The following KIRREL3 variants were observed in gnomAD, a reference collection of about 807,000 sequenced individuals.
KIRREL3 encodes the protein kirre like nephrin family adhesion molecule 3.
In KIRREL3, 36 loss-of-function variants were observed where a neutral mutation model predicts 89.7. The ratio of observed to expected loss-of-function variants is 0.40; its 90% CI spans 0.31 to 0.53. The LOEUF (loss-of-function observed/expected upper bound fraction) is 0.53, where lower values mean the gene tolerates loss of function less well. KIRREL3 is among the 20% of genes least tolerant of loss of function. The pLI is 0.49. For missense variants in KIRREL3, 864 were observed against 1,056.6 expected, an observed-to-expected ratio of 0.82 and a Z score of 2.53; for synonymous variants, 445 against 441.4, an observed-to-expected ratio of 1.01 and a Z score of -0.10.
At position 126,710,773 on chromosome 11, in the gene KIRREL3, C is replaced by A. The variant is rs1452320383; in HGVS notation, c.56-147861G>T. The stretch of plus-strand genomic sequence containing the variant: ...AAGTGATACCAAGTCAAACAGATCA[C>A]AACTGATTATTAAGAACAGATCTAC... On this transcript the variant is annotated intron_variant, in intron 1 of 16. Transcript: ENST00000525144. This position sits in a 1 kb window ranked among gnomAD's most constrained non-coding sequence, Gnocchi z 4.2. Among the ~76,000 whole-genome samples the A allele has an allele frequency of 1.3e-5, 2 of 152,172 alleles. No homozygotes were observed. The highest frequency in any genetic ancestry group is 4.8e-5 in the African/African-American group (2 of 41,434).
intron 1 of KIRREL3, among the ~76,000 whole-genome samples, chr11:126,598,118 G>A (rs985046259): frequency 6.6e-6 from 1 of 152,264 alleles, no homozygotes; most frequent in African/African-American, 2.4e-5. Context: ...TCACGCCAAT[G>A]TCTGAAGAGC....
chr11:126,965,228 G>T lies in KIRREL3; in HGVS notation c.55+35227C>A, dbSNP rs1949228903. On this transcript the variant is annotated intron_variant, in intron 1 of 16. Coordinates refer to ENST00000525144, the MANE Select transcript of KIRREL3 (RefSeq NM_032531.4). The surrounding 1 kb of genome is among the most constrained non-coding windows in gnomAD (Gnocchi z 4.4). The stretch of plus-strand genomic sequence containing the variant: ...CTGGTCAAATTAATAAGTCCACTTG[G>T]TTTGATTACTTTCATTTAGTTAATT... Among the ~76,000 whole-genome samples the T allele has an allele frequency of 6.6e-6, 1 of 152,152 alleles. No homozygotes were observed. The highest frequency in any genetic ancestry group is 2.1e-4 in the South Asian group (1 of 4,820).
rs1231542848 is a variant in KIRREL3, at chr11:126,486,793, T to C, written c.434-13327A>G. Among the ~76,000 whole-genome samples, 1 of 152,224 alleles carries C rather than the reference T, an allele frequency of 6.6e-6. No individual in the cohort carries two copies. The highest frequency in any genetic ancestry group is 1.5e-5 in the Non-Finnish European group (1 of 68,034). ...CAGTCCTAACTGCGGTACCATAGGC[T>C]GTGCTAGCAGGAGGATCTGCATTGG... On this transcript the variant is annotated intron_variant, in intron 4 of 16. Coordinates refer to ENST00000525144, the MANE Select transcript of KIRREL3 (RefSeq NM_032531.4). The surrounding 1 kb of genome is among the most constrained non-coding windows in gnomAD (Gnocchi z 6.2).
In KIRREL3 at chr11:126,795,595, G is replaced by A. The variant is rs1950782528; in HGVS notation, c.55+204860C>T. 6.6e-6 allele frequency among the ~76,000 whole-genome samples: 1 copy of A among 152,066 alleles called. No homozygotes were observed. Among genetic ancestry groups the A allele is most frequent in the Admixed American group, 6.5e-5 (1 of 15,276 alleles). On this transcript the variant is annotated intron_variant, in intron 1 of 16. Transcript: ENST00000525144. The surrounding 1 kb of genome is among the most constrained non-coding windows in gnomAD (Gnocchi z 4.1). ...TTTCTACTAAAACCCTGTTGGCCAG[G>A]CTGGTCTTGAACTCCTGACCTCAGG...
chr11:126,759,930 G>A (rs566972101), intron 1 of KIRREL3, among the ~76,000 whole-genome samples: 2 of 152,284 alleles, frequency 1.3e-5, no homozygotes, highest in South Asian at 2.1e-4. Context: ...ACAAGCCTGA[G>A]TACCTAGGCT....
chr11:126,443,992 C>T lies in KIRREL3; in HGVS notation c.1252+987G>A, dbSNP rs1488660779. 1.3e-5 allele frequency among the ~76,000 whole-genome samples: 2 copies of T among 152,194 alleles called. No homozygotes were observed. Among genetic ancestry groups the T allele is most frequent in the Non-Finnish European group, 2.9e-5 (2 of 68,030 alleles). On this transcript the variant is annotated intron_variant, in intron 10 of 16. Coordinates refer to ENST00000525144, the MANE Select transcript of KIRREL3 (RefSeq NM_032531.4). The surrounding 1 kb of genome is among the most constrained non-coding windows in gnomAD (Gnocchi z 7.3). ...TTGCTTTTTGCCTGTGGCCAAAGCACCAGATAGGGCAGGGACGTCCGCATT... is the reference window on the plus strand; with the variant it reads ...TTGCTTTTTGCCTGTGGCCAAAGCATCAGATAGGGCAGGGACGTCCGCATT...
At chr11:126,598,112 G>T (rs1470486650) in intron 1 of KIRREL3, among the ~76,000 whole-genome samples, 5 of 152,256 alleles carry the variant, frequency 3.3e-5, no homozygotes, top group African/African-American at 4.8e-5. Flanking sequence ...CTTGGCTCAC[G>T]CCAATGTCTG....
At chr11:126,922,135 CTA>C (rs1947371773) in intron 1 of KIRREL3, among the ~76,000 whole-genome samples, 1 of 150,694 alleles carries the variant, frequency 6.6e-6, no homozygotes, top group East Asian at 2.0e-4. Flanking sequence ...ATCTATCTAT[CTA>C]TCTATCTATC....
rs1565363165 is a variant in KIRREL3 at position 126,863,485 on chromosome 11, G to GTA, written c.55+136969_55+136970insTA. ...TGCGTGTGTGTGTGAGTGCGTGTGT[G>GTA]AGTGCGTGTGTGAGTGTGAGTGCGT... is the stretch of plus-strand genomic sequence containing the variant. On this transcript the variant is annotated intron_variant, in intron 1 of 16. Coordinates refer to ENST00000525144, the MANE Select transcript of KIRREL3 (RefSeq NM_032531.4). Among the ~76,000 whole-genome samples, 78 of 131,456 alleles carry GTA rather than the reference G, an allele frequency of 5.9e-4. 2 individuals are homozygous for GTA. The East Asian group carries it at 0.016, about 27-fold the overall frequency. The allele number at this position is 131,456 out of a possible 152,430, so 86.2% of individuals were successfully genotyped here. A position where few individuals can be genotyped will look rare whatever the true frequency, so the allele number is the denominator to read the frequency against.
rs1943859723 is a variant in KIRREL3, at chr11:126,627,870, T to C, written c.56-64958A>G. On this transcript the variant is annotated intron_variant, in intron 1 of 16. Transcript: ENST00000525144. This position sits in a 1 kb window ranked among gnomAD's most constrained non-coding sequence, Gnocchi z 5.0. ...CTCTCTCCCATGTGTAGTGAGAGGATAGGTGGGTAGCAGTGTGGGCAGGAA... is the reference window on the plus strand; with the variant it reads ...CTCTCTCCCATGTGTAGTGAGAGGACAGGTGGGTAGCAGTGTGGGCAGGAA... Among the ~76,000 whole-genome samples the C allele has an allele frequency of 6.6e-6, 1 of 152,260 alleles. No homozygotes were observed. Among genetic ancestry groups the C allele is most frequent in the South Asian group, 2.1e-4 (1 of 4,812 alleles).
intron 1 of KIRREL3, among the ~76,000 whole-genome samples, chr11:126,887,032 C>T (rs1945722036): frequency 6.6e-6 from 1 of 152,140 alleles, no homozygotes; most frequent in Admixed American, 6.5e-5. Flanking sequence ...AGTGCTCAGT[C>T]TCCCTATCTC....
rs1466626115 is a variant in KIRREL3, at chr11:126,931,638, T to A, written c.55+68817A>T. ...CAAGTATAAGAATGAGGATTCCAAG[T>A]CCTAGTTGTCTAAATAATTTAAATA... On this transcript the variant is annotated intron_variant, in intron 1 of 16. Transcript: ENST00000525144. This position sits in a 1 kb window ranked among gnomAD's most constrained non-coding sequence, Gnocchi z 5.1. Among the ~76,000 whole-genome samples, 1 of 152,230 alleles carries A rather than the reference T, an allele frequency of 6.6e-6. No homozygotes were observed.
chr11:126,619,107 G>A (rs759656173), intron 1 of KIRREL3, among the ~76,000 whole-genome samples: 19 of 152,198 alleles, frequency 1.2e-4, no homozygotes, highest in Non-Finnish European at 2.2e-4. Flanking sequence ...GGTCTAGAGG[G>A]TGTCTGGCCA....
At position 126,463,740 on chromosome 11, in the gene KIRREL3, C is replaced by A. The variant is rs185607005; in HGVS notation, c.592-433G>T. On this transcript the variant is annotated intron_variant, in intron 5 of 16. Transcript: ENST00000525144. This position sits in a 1 kb window ranked among gnomAD's most constrained non-coding sequence, Gnocchi z 5.9. ...ACCAGCAGGGACTGTGGCCCCTGAG[C>A]GGGGACAGTCTGCAGAGGAGGCACA... Among the ~76,000 whole-genome samples, 1 of 152,014 alleles carries A rather than the reference C, an allele frequency of 6.6e-6. No individual in the cohort carries two copies. Among genetic ancestry groups the A allele is most frequent in the Non-Finnish European group, 1.5e-5 (1 of 68,008 alleles).
At position 126,715,635 on chromosome 11, in the gene KIRREL3, A is replaced by G. The variant is rs555153306; in HGVS notation, c.56-152723T>C. Among the ~76,000 whole-genome samples the G allele has an allele frequency of 5.9e-5, 9 of 152,334 alleles. No homozygotes were observed. The highest frequency in any genetic ancestry group is 2.2e-4 in the African/African-American group (9 of 41,574). ...TTTGCAAATCAAAAACAAGAGGAAA[A>G]GGGACTACAGCACGTGAAACATACT... On this transcript the variant is annotated intron_variant, in intron 1 of 16. Coordinates refer to ENST00000525144, the MANE Select transcript of KIRREL3 (RefSeq NM_032531.4). The surrounding 1 kb of genome is among the most constrained non-coding windows in gnomAD (Gnocchi z 4.4).
At position 126,870,682 on chromosome 11, in the gene KIRREL3, C is replaced by T. The variant is rs1200345932; in HGVS notation, c.55+129773G>A. ...ATGGCCGCCATCTATTTGCACAGCT[C>T]ATCTGGGAAGGCAGCAGTGATAATG... On this transcript the variant is annotated intron_variant, in intron 1 of 16. Transcript: ENST00000525144. The surrounding 1 kb of genome is among the most constrained non-coding windows in gnomAD (Gnocchi z 4.4). Among the ~76,000 whole-genome samples, 2 of 152,170 alleles carry T rather than the reference C, an allele frequency of 1.3e-5. No homozygotes were observed. The highest frequency in any genetic ancestry group is 2.1e-4 in the South Asian group (1 of 4,816).
chr11:126,849,576 C>T (rs1412717990), intron 1 of KIRREL3, among the ~76,000 whole-genome samples: 1 of 152,148 alleles, frequency 6.6e-6, no homozygotes, highest in African/African-American at 2.4e-5. Flanking sequence ...CAGGTAGAGG[C>T]TTTCTATTTC....
intron 1 of KIRREL3, among the ~76,000 whole-genome samples, chr11:126,923,254 T>C (rs866783620): frequency 7.4e-5 from 7 of 95,202 alleles, no homozygotes; most frequent in East Asian, 2.6e-4. Flanking sequence ...TTCTTCTTCT[T>C]CTTCTTCTTC....
At chr11:126,598,453 G>T (rs1171911984) in intron 1 of KIRREL3, among the ~76,000 whole-genome samples, 1 of 152,158 alleles carries the variant, frequency 6.6e-6, no homozygotes. Context: ...TCACTGGTAG[G>T]CTTCTTTAAA....
Sources: allele counts gnomAD v4.1 joint callset (sites outside exome capture counted in the v4.1 genomes callset), GRCh38; gene constraint gnomAD v4.1.1; non-coding constraint Gnocchi (gnomAD v3.1); transcripts MANE v1.5; gene names NCBI Gene and HGNC (gene_info 2026-07-23, HGNC 2026-07-21).